UQCRH: variants seen among roughly 807,000 people sequenced by gnomAD.
The protein encoded by UQCRH is cytochrome b-c1 complex subunit 6, mitochondrial.
A neutral mutation model predicts 16.3 loss-of-function variants in UQCRH; 14 were observed. That is an observed-to-expected ratio of 0.86 (90% CI 0.57 to 1.34). The LOEUF (loss-of-function observed/expected upper bound fraction) is 1.34, where lower values mean the gene tolerates loss of function less well. Ranked by LOEUF, UQCRH falls within the 40% of genes most tolerant of loss-of-function variation. UQCRH has a pLI of 0.00. For missense variants in UQCRH, 89 were observed against 111.9 expected, an observed-to-expected ratio of 0.80 and a Z score of 0.92; for synonymous variants, 41 against 41.9, an observed-to-expected ratio of 0.98 and a Z score of 0.08.
chr1:46,304,308 G>C (rs961455124), intron 1 of UQCRH, among the ~76,000 whole-genome samples: 2 of 152,180 alleles, frequency 1.3e-5, no homozygotes, highest in Non-Finnish European at 2.9e-5. Flanking sequence ...TGATGGAAGA[G>C]GGAGCTCTTT....
rs574678524 is a variant in UQCRH, at chr1:46,306,451, G to A, written c.54+2631G>A. 3.0e-4 allele frequency among the ~76,000 whole-genome samples: 42 copies of A among 141,102 alleles called. No individual in the cohort carries two copies. In the South Asian group the frequency reaches 9.1e-3, roughly 31 times the overall value. The allele number at this position is 141,102 out of a possible 152,430, so 92.6% of individuals were successfully genotyped here. ...TGGAGTACAGTGGCGCGATCTCACT[G>A]CAACCTCTGCCTCCTGGGTTCAGGC... is the stretch of plus-strand genomic sequence containing the variant. On this transcript the variant is annotated intron_variant, in intron 1 of 3. Transcript: ENST00000311672.
intron 1 of UQCRH, 106 bp from the exon 2 acceptor site, chr1:46,308,995 C>A: frequency 1.6e-6 from 2 of 1,289,764 alleles, no homozygotes; most frequent in Non-Finnish European, 2.2e-6. Context: ...AACAAAATAA[C>A]ATCGTTAATA....
At chr1:46,310,921 G>T (rs1420450251) in intron 3 of UQCRH, among the ~76,000 whole-genome samples, 2 of 151,866 alleles carry the variant, frequency 1.3e-5, no homozygotes, top group Non-Finnish European at 2.9e-5. Context: ...CAAAAAATTA[G>T]CTGGGCGCGG....
chr1:46,306,082 G>A (rs1341121308), intron 1 of UQCRH, among the ~76,000 whole-genome samples: 2 of 152,098 alleles, frequency 1.3e-5, no homozygotes, highest in Admixed American at 6.5e-5. Context: ...CTGAGCCACC[G>A]CGCCCGGCTG....
Position 46,314,532 on chromosome 1 carries a change from A to G in UQCRH, c.244-2020A>G, listed in dbSNP as rs72480608. On this transcript the variant is annotated intron_variant, in intron 3 of 3. Transcript: ENST00000311672. ...CTAAAAACACAAAAATTGGCTGCGC[A>G]TGGTGGTATATGCGCCTGTAATCCC... Among the ~76,000 whole-genome samples, 174 of 151,656 alleles carry G rather than the reference A, an allele frequency of 1.1e-3. 2 individuals are homozygous for G. The South Asian group carries it at 0.017, about 15-fold the overall frequency.
In UQCRH at chr1:46,310,388, C is replaced by T. The variant is rs565660360; in HGVS notation, c.243+72C>T. The T allele has an allele frequency of 3.1e-6, 5 of 1,602,138 alleles. No homozygotes were observed. In the African/African-American group the frequency reaches 6.7e-5, roughly 21 times the overall value. ...GAAGACTTGGTGCCAACAATCTTTC[C>T]ATGCTAGGGAAAGGCCCATCAGTTA... On this transcript the variant is annotated intron_variant, in intron 3 of 3. Transcript: ENST00000311672.
At chr1:46,313,682 T>TAGATAGAC (rs1553173580) in intron 3 of UQCRH, among the ~76,000 whole-genome samples, 8 of 149,642 alleles carry the variant, frequency 5.3e-5, no homozygotes, top group African/African-American at 2.0e-4. Context: ...GATAGATAGA[T>TAGATAGAC]AGATATAGAT....
intron 2 of UQCRH, chr1:46,309,460 G>A (rs1661427936): frequency 3.6e-6 from 1 of 277,180 alleles, no homozygotes; most frequent in Non-Finnish European, 6.7e-6. Context: ...GGGAGGCCAA[G>A]GCAGGCGGAT....
intron 2 of UQCRH, chr1:46,309,925 G>C: frequency 7.0e-7 from 1 of 1,428,716 alleles, no homozygotes; most frequent in Non-Finnish European, 9.1e-7. Flanking sequence ...GTGCATACTG[G>C]CAACCTTGGA....
At position 46,306,805 on chromosome 1, in the gene UQCRH, T is replaced by C. The variant is rs191093214; in HGVS notation, c.55-2296T>C. Reference sequence around the variant, plus strand: ...GAGAATAAATAGCCTGGATTCCAAATTGAACCTTTCCTACCCCTCACTCCC... The same window carrying C: ...GAGAATAAATAGCCTGGATTCCAAACTGAACCTTTCCTACCCCTCACTCCC... On this transcript the variant is annotated intron_variant, in intron 1 of 3. Transcript: ENST00000311672. 4.6e-5 allele frequency among the ~76,000 whole-genome samples: 7 copies of C among 152,314 alleles called. No homozygotes were observed. In the East Asian group the frequency reaches 1.3e-3, roughly 29 times the overall value.
chr1:46,304,862 T>C (rs1661336498), intron 1 of UQCRH, among the ~76,000 whole-genome samples: 1 of 152,030 alleles, frequency 6.6e-6, no homozygotes, highest in South Asian at 2.1e-4. Flanking sequence ...ACCAGGACTC[T>C]TATCAATTTT....
chr1:46,305,690 G>A (rs1266116163), intron 1 of UQCRH, among the ~76,000 whole-genome samples: 2 of 152,062 alleles, frequency 1.3e-5, no homozygotes, highest in Admixed American at 6.5e-5. Context: ...GGCGAAGCTT[G>A]CAGTGAGCCA....
chr1:46,309,302 GTCTGT>G, intron 2 of UQCRH, 175 bp downstream of exon 2: 1 of 706,444 alleles, frequency 1.4e-6, no homozygotes, highest in South Asian at 2.2e-5. Flanking sequence ...TGGAAGCTGA[GTCTGT>G]TCTGGGTTTG....
chr1:46,304,387 ATT>A (rs10581963), intron 1 of UQCRH, among the ~76,000 whole-genome samples: 96,830 of 141,990 alleles, frequency 0.68, 33,005 homozygotes, highest in East Asian at 0.78. Context: ...GCACTAATTA[ATT>A]TTTTTTTTTT....
intron 2 of UQCRH, chr1:46,309,841 C>T (rs1409120667): frequency 3.1e-6 from 4 of 1,303,638 alleles, no homozygotes; most frequent in African/African-American, 1.5e-5. Context: ...CAAGTAAGGC[C>T]TCCTATAGAT....
chr1:46,308,178 G>A (rs780189874), intron 1 of UQCRH, among the ~76,000 whole-genome samples: 1 of 152,144 alleles, frequency 6.6e-6, no homozygotes, highest in Non-Finnish European at 1.5e-5. Context: ...CCTGGGATTC[G>A]TTTTAACCAA....
At chr1:46,312,879 G>A (rs1429797111) in intron 3 of UQCRH, among the ~76,000 whole-genome samples, 1 of 151,972 alleles carries the variant, frequency 6.6e-6, no homozygotes, top group Non-Finnish European at 1.5e-5. Context: ...TAGCCACCAG[G>A]GATACTACCA....
chr1:46,310,521 G>A (rs540022210), intron 3 of UQCRH, among the ~76,000 whole-genome samples: 27 of 152,268 alleles, frequency 1.8e-4, no homozygotes, highest in East Asian at 3.9e-4. Flanking sequence ...GAAGTACAGC[G>A]GCATGATCGT....
rs1179168082 is a variant in UQCRH at position 46,303,750 on chromosome 1, T to A, written c.-17T>A. 6.2e-7 allele frequency: 1 copy of A among 1,614,022 alleles called. No homozygotes were observed. Among genetic ancestry groups the A allele is most frequent in the Admixed American group, 1.7e-5 (1 of 59,994 alleles). ...CCGCTGTTGCTGCTCGTGTTGAATCTAGAACCGTAGCCAGACATGGGACTG... is the reference window on the plus strand; with the variant it reads ...CCGCTGTTGCTGCTCGTGTTGAATCAAGAACCGTAGCCAGACATGGGACTG... On this transcript the variant is annotated 5_prime_UTR_variant, in exon 1 of 4. Transcript: ENST00000311672.
Sources: allele counts gnomAD v4.1 joint callset (sites outside exome capture counted in the v4.1 genomes callset), GRCh38; gene constraint gnomAD v4.1.1; transcripts MANE v1.5; gene names NCBI Gene and HGNC (gene_info 2026-07-23, HGNC 2026-07-21).